The following ME3 variants were observed in gnomAD, a reference collection of about 807,000 sequenced individuals.
ME3 encodes the protein malic enzyme 3.
Under a neutral mutation model 68.9 loss-of-function variants are expected in ME3, and 48 were observed. The ratio of observed to expected loss-of-function variants is 0.70; its 90% CI spans 0.55 to 0.89. ME3 has a LOEUF of 0.89. Ranked by LOEUF, ME3 falls within the 40% of genes least tolerant of loss-of-function variation. ME3 has a pLI of 0.00. For missense variants in ME3, 675 were observed against 797.4 expected (o/e 0.85, Z 1.85); for synonymous variants, 320 against 318.8 (o/e 1.00, Z -0.04).
At chr11:86,478,633 A>G (rs1951219722) in intron 7 of ME3, among the ~76,000 whole-genome samples, 3 of 152,210 alleles carry the variant, frequency 2.0e-5, no homozygotes, top group Admixed American at 1.3e-4. Context: ...CAAGTCTCAA[A>G]TAAGGTATTT....
chr11:86,614,802 A>G (rs1410002727), intron 2 of ME3, among the ~76,000 whole-genome samples: 2 of 152,160 alleles, frequency 1.3e-5, no homozygotes, highest in Admixed American at 6.5e-5. Flanking sequence ...TCTCTAGCCT[A>G]TAAAGAGGTC....
chr11:86,494,271 C>T (rs1020994323), intron 6 of ME3, among the ~76,000 whole-genome samples: 7 of 152,112 alleles, frequency 4.6e-5, no homozygotes, highest in Non-Finnish European at 8.8e-5. Flanking sequence ...TCCATGGGAT[C>T]CTGCCTGTGT....
chr11:86,613,371 T>G (rs983094661), intron 2 of ME3, among the ~76,000 whole-genome samples: 5 of 152,188 alleles, frequency 3.3e-5, no homozygotes, highest in Non-Finnish European at 7.3e-5. Flanking sequence ...TCATACTGAA[T>G]GGGCAAAAGT....
chr11:86,564,588 C>T (rs1312259086), intron 2 of ME3, among the ~76,000 whole-genome samples: 3 of 151,938 alleles, frequency 2.0e-5, no homozygotes, highest in African/African-American at 7.3e-5. Flanking sequence ...GATTCCAAGT[C>T]GATCCAATGG....
Position 86,463,806 on chromosome 11 carries a change from A to G in ME3, c.919+1285T>C, listed in dbSNP as rs139787761. ...AAAAAAGGGCAACTTGGTTTGTAAT[A>G]TAAGATCTGGGAATGGCATGGTGAA... On this transcript the variant is annotated intron_variant, in intron 8 of 14. Coordinates refer to ENST00000543262, the Ensembl canonical transcript of ME3. Among the ~76,000 whole-genome samples the G allele has an allele frequency of 4.4e-3, 671 of 152,350 alleles. 7 individuals carry two copies. The highest frequency in any genetic ancestry group is 0.016 in the African/African-American group (651 of 41,580).
intron 2 of ME3, among the ~76,000 whole-genome samples, chr11:86,641,928 G>A (rs924924332): frequency 2.0e-5 from 3 of 152,072 alleles, no homozygotes; most frequent in Admixed American, 2.0e-4. Context: ...TTGGCTGATA[G>A]TGAGTCAAAC....
At chr11:86,561,714 T>C (rs563599689) in intron 2 of ME3, among the ~76,000 whole-genome samples, 4 of 152,336 alleles carry the variant, frequency 2.6e-5, no homozygotes, top group Admixed American at 2.0e-4. Context: ...TGTACCACTG[T>C]GGGAAACAAC....
At chr11:86,448,866 C>G (rs952363734) in intron 10 of ME3, among the ~76,000 whole-genome samples, 1 of 152,106 alleles carries the variant, frequency 6.6e-6, no homozygotes, top group Admixed American at 6.5e-5. Flanking sequence ...TAGCTGGCCT[C>G]ATAGGAACCA....
intron 2 of ME3, 55 bp from the exon 3 acceptor site, chr11:86,559,878 G>A (rs1957120987): frequency 1.3e-6 from 2 of 1,566,774 alleles, no homozygotes; most frequent in African/African-American, 1.4e-5. Flanking sequence ...AGGAGACAAA[G>A]GAACAGAAGG....
At chr11:86,606,500 T>C (rs1033871242) in intron 2 of ME3, among the ~76,000 whole-genome samples, 2 of 152,150 alleles carry the variant, frequency 1.3e-5, no homozygotes, top group African/African-American at 4.8e-5. Flanking sequence ...AGCGAAGCTG[T>C]TTTCAGGGCC....
At chr11:86,644,561 T>C (rs1944879481) in intron 2 of ME3, among the ~76,000 whole-genome samples, 1 of 152,166 alleles carries the variant, frequency 6.6e-6, no homozygotes, top group Admixed American at 6.5e-5. Flanking sequence ...GCCAAGCTAT[T>C]TGTGGTCTCC....
rs1431255975 is a variant in ME3 at position 86,465,077 on chromosome 11, G to C, written c.919+14C>G. On this transcript the variant is annotated intron_variant, in intron 8 of 14. Coordinates refer to ENST00000543262, the Ensembl canonical transcript of ME3. Reference sequence around the variant, plus strand: ...TAGTCCCCTGTAGCTTCATCAGGTGGGGTGGAAACCTACCTTGGATGTCAT... The same window carrying C: ...TAGTCCCCTGTAGCTTCATCAGGTGCGGTGGAAACCTACCTTGGATGTCAT... 1.3e-6 allele frequency: 2 copies of C among 1,585,582 alleles called. No homozygotes were observed. Among genetic ancestry groups the C allele is most frequent in the South Asian group, 2.2e-5 (2 of 90,416 alleles).
chr11:86,598,064 T>C (rs2139705581), intron 2 of ME3, among the ~76,000 whole-genome samples: 1 of 152,196 alleles, frequency 6.6e-6, no homozygotes, highest in South Asian at 2.1e-4. Context: ...AGGTACTGGG[T>C]TCATCTCACT....
rs114313305 is a variant in ME3 at position 86,539,701 on chromosome 11, C to G, written c.467+16852G>C. ...TATAGCTTGTTTCAGGAGACGAGAT[C>G]ATATACACTGTGTGAAGCTGCAGAA... On this transcript the variant is annotated intron_variant, in intron 4 of 14. Transcript: ENST00000543262. Among the ~76,000 whole-genome samples, 851 of 152,276 alleles carry G rather than the reference C, an allele frequency of 5.6e-3. 10 individuals carry two copies. Among genetic ancestry groups the G allele is most frequent in the African/African-American group, 0.02 (817 of 41,554 alleles).
At chr11:86,500,373 A>C (rs1009785881) in intron 5 of ME3, among the ~76,000 whole-genome samples, 2 of 152,310 alleles carry the variant, frequency 1.3e-5, no homozygotes, top group South Asian at 4.1e-4. Flanking sequence ...AGGGCACTCT[A>C]CTGCATGCCC....
At chr11:86,649,151 C>T (rs1008244033) in intron 2 of ME3, among the ~76,000 whole-genome samples, 1 of 152,198 alleles carries the variant, frequency 6.6e-6, no homozygotes, top group Admixed American at 6.5e-5. Flanking sequence ...GGATGCAAGG[C>T]TGGTTCAACA....
intron 2 of ME3, among the ~76,000 whole-genome samples, chr11:86,603,792 G>T (rs890819312): frequency 6.6e-6 from 1 of 151,858 alleles, no homozygotes; most frequent in Non-Finnish European, 1.5e-5. Flanking sequence ...CATGTCCTTT[G>T]TAGGGGCATG....
At chr11:86,533,141 A>G (rs1458215825) in intron 4 of ME3, among the ~76,000 whole-genome samples, 1 of 152,126 alleles carries the variant, frequency 6.6e-6, no homozygotes. Flanking sequence ...TTAGCATAAG[A>G]AAGGAAATAA....
chr11:86,610,071 C>A (rs572692615), intron 2 of ME3, among the ~76,000 whole-genome samples: 13 of 152,224 alleles, frequency 8.5e-5, no homozygotes, highest in African/African-American at 3.1e-4. Flanking sequence ...TAATGTCTAA[C>A]ATGTTTAAAC....
Sources: allele counts gnomAD v4.1 joint callset (sites outside exome capture counted in the v4.1 genomes callset), GRCh38; gene constraint gnomAD v4.1.1; transcripts MANE v1.5; gene names NCBI Gene and HGNC (gene_info 2026-07-23, HGNC 2026-07-21).